Variants in JCAD observed in about 807,000 individuals in gnomAD.
The protein encoded by JCAD is junctional cadherin 5 associated.
In JCAD, 40 loss-of-function variants were observed where a neutral mutation model predicts 98.0. That is an observed-to-expected ratio of 0.41 (90% confidence interval 0.32 to 0.53). The LOEUF is 0.53. Ranked by LOEUF, JCAD falls within the 20% of genes least tolerant of loss-of-function variation. The probability of loss-of-function intolerance (pLI) is 0.31; values close to 1 mark genes in which losing one functional copy is unlikely to be tolerated. For missense variants in JCAD, 1,705 were observed against 1,738.1 expected (o/e 0.98, Z 0.34); for synonymous variants, 691 against 682.3 (o/e 1.01, Z -0.20).
At chr10:30,091,918 C>G (rs1209502180) in intron 1 of JCAD, among the ~76,000 whole-genome samples, 1 of 143,922 alleles carries the variant, frequency 6.9e-6, no homozygotes, top group African/African-American at 2.6e-5. Context: ...ATCCCAGCTA[C>G]CTGGGAGGCT....
chr10:30,096,086 C>G (rs1203126325), intron 1 of JCAD, among the ~76,000 whole-genome samples: 2 of 152,230 alleles, frequency 1.3e-5, no homozygotes, highest in African/African-American at 4.8e-5. Context: ...AGGATCCACA[C>G]AGCCATCAGA....
rs183791720 is a variant in JCAD, at chr10:30,026,228, C to G, written c.3920G>C (p.Ser1307Thr). Reference protein sequence around the residue: ...GLPGGLVSPGSGDRAQRLGHS... With the variant: ...GLPGGLVSPGTGDRAQRLGHS... ...GCCCAATCTCTGGGCACGGTCCCCA[C>G]TGCCAGGAGACACAAGGCCTCCCGG... Residue 1307 changes from serine (S) to threonine (T), a missense_variant, in exon 3 of 4, where the codon AGT (serine) becomes ACT (threonine). Around this residue, in one of 3 missense-constraint regions of JCAD, gnomAD observed 1,278 missense variants for 1,243.1 expected, o/e 1.03. Transcript: ENST00000375377. 6.2e-7 allele frequency: 1 copy of G among 1,614,074 alleles called. No individual in the cohort carries two copies. The highest frequency in any genetic ancestry group is 1.3e-5 in the African/African-American group (1 of 75,074).
At chr10:30,087,592 A>C (rs1838186474) in intron 1 of JCAD, among the ~76,000 whole-genome samples, 1 of 152,256 alleles carries the variant, frequency 6.6e-6, no homozygotes, top group Non-Finnish European at 1.5e-5. Context: ...GTTGTTTAGC[A>C]GTAACACTGT....
At chr10:30,043,807 GC>G (rs1837285388) in intron 2 of JCAD, among the ~76,000 whole-genome samples, 1 of 152,222 alleles carries the variant, frequency 6.6e-6, no homozygotes, top group Admixed American at 6.5e-5. Context: ...AAGGCATCTG[GC>G]AGCCCGGGGG....
Position 30,059,434 on chromosome 10 carries a change from G to GGCCCTAATGGACGGTGGGAGCC in JCAD, c.-60+26_-60+47dup, listed in dbSNP as rs1326993734. On this transcript the variant is annotated intron_variant, in intron 1 of 3. Transcript: ENST00000375377. The surrounding 1 kb of genome is among the most constrained non-coding windows in gnomAD (Gnocchi z 5.0). Reference sequence around the variant, plus strand: ...GAGGCCCGCGAAGCGCCGTGGGAGCGGCCCTAATGGACGGTGGGAGCCAGG... The same window carrying GGCCCTAATGGACGGTGGGAGCC: ...GAGGCCCGCGAAGCGCCGTGGGAGCGGCCCTAATGGACGGTGGGAGCCGCCCTAATGGACGGTGGGAGCCAGG... 17 of 151,674 alleles carry GGCCCTAATGGACGGTGGGAGCC rather than the reference G, an allele frequency of 1.1e-4. No individual in the cohort carries two copies. The highest frequency in any genetic ancestry group is 2.1e-4 in the Non-Finnish European group (14 of 67,856). 9.4% of individuals were successfully genotyped at this position (151,674 alleles called of 1,614,324 possible).
At chr10:30,053,957 G>T (rs1031954383) in intron 1 of JCAD, among the ~76,000 whole-genome samples, 29 of 151,996 alleles carry the variant, frequency 1.9e-4, no homozygotes, top group African/African-American at 7.0e-4. Flanking sequence ...AGCTACTCAG[G>T]AGGCTGAGGT....
intron 2 of JCAD, among the ~76,000 whole-genome samples, chr10:30,031,127 T>A (rs1836981175): frequency 1.3e-5 from 2 of 151,882 alleles, no homozygotes; most frequent in Admixed American, 1.3e-4. Flanking sequence ...TTTATATTTT[T>A]ATTTATATAT....
intron 1 of JCAD, among the ~76,000 whole-genome samples, chr10:30,079,899 A>G (rs190756830): frequency 1.2e-3 from 184 of 152,316 alleles, no homozygotes; most frequent in African/African-American, 4.1e-3. Flanking sequence ...TGCTTTTACA[A>G]TTGTTCCTAA....
intron 1 of JCAD, among the ~76,000 whole-genome samples, chr10:30,055,900 C>G (rs1837562488): frequency 6.6e-6 from 1 of 152,116 alleles, no homozygotes; most frequent in Non-Finnish European, 1.5e-5. Context: ...CTTCTGACTC[C>G]TCTTTTTTTT....
At chr10:30,048,866 C>T (rs1046220125) in intron 1 of JCAD, among the ~76,000 whole-genome samples, 1 of 152,156 alleles carries the variant, frequency 6.6e-6, no homozygotes, top group Admixed American at 6.5e-5. Context: ...CCACACCCGG[C>T]CTCCTTATGA....
intron 2 of JCAD, among the ~76,000 whole-genome samples, chr10:30,064,727 A>G (rs2132664328): frequency 6.6e-6 from 1 of 151,308 alleles, no homozygotes; most frequent in Admixed American, 6.6e-5. Context: ...GCTAGAGTGC[A>G]GTGGTGTAAT....
rs572513796 is a variant in JCAD, at chr10:30,068,023, A to C, written n.250+1677T>G. ...TACAGTATTATAATCTTATGAGACCACCATCATAGATGTGGTCCATGGTTG... is the reference window on the plus strand; with the variant it reads ...TACAGTATTATAATCTTATGAGACCCCCATCATAGATGTGGTCCATGGTTG... On this transcript the variant is annotated intron_variant and non_coding_transcript_variant, in intron 2 of 2. Coordinates refer to the JCAD transcript ENST00000465712. Among the ~76,000 whole-genome samples, 20 of 152,342 alleles carry C rather than the reference A, an allele frequency of 1.3e-4. 3 individuals carry two copies. In the South Asian group the frequency reaches 4.1e-3, roughly 32 times the overall value.
chr10:30,035,604 G>C (rs1263305148), intron 2 of JCAD, among the ~76,000 whole-genome samples: 3 of 152,220 alleles, frequency 2.0e-5, no homozygotes, highest in Non-Finnish European at 4.4e-5. Context: ...AATGTGTACT[G>C]CTGCATAGGG....
chr10:30,113,407 C>T lies in JCAD; in HGVS notation n.128+1960G>A, dbSNP rs190883053. Among the ~76,000 whole-genome samples the T allele has an allele frequency of 5.1e-4, 77 of 151,910 alleles. No homozygotes were observed. The East Asian group carries it at 9.5e-3, about 19-fold the overall frequency. ...CTCTACTAAAAATACAAAAATCAAC[C>T]GGGCGTGGTGGCAGGCGCCTGTAAT... On this transcript the variant is annotated intron_variant and non_coding_transcript_variant, in intron 1 of 2. Coordinates refer to the JCAD transcript ENST00000465712.
At chr10:30,095,952 C>T (rs1396505375) in intron 1 of JCAD, among the ~76,000 whole-genome samples, 1 of 152,192 alleles carries the variant, frequency 6.6e-6, no homozygotes, top group Non-Finnish European at 1.5e-5. Flanking sequence ...ATTTGTTTTT[C>T]AGTAAGGCGG....
chr10:30,081,778 G>T (rs891385604), intron 1 of JCAD, among the ~76,000 whole-genome samples: 1 of 152,140 alleles, frequency 6.6e-6, no homozygotes, highest in Non-Finnish European at 1.5e-5. Context: ...CAGCAGTACC[G>T]ACATGCCGCT....
intron 1 of JCAD, among the ~76,000 whole-genome samples, chr10:30,093,621 C>A (rs1415456763): frequency 6.6e-6 from 1 of 152,298 alleles, no homozygotes; most frequent in East Asian, 1.9e-4. Flanking sequence ...GAGCTCTAGC[C>A]CCCCGCATGT....
chr10:30,043,199 A>C (rs1352151972), intron 2 of JCAD, among the ~76,000 whole-genome samples: 1 of 152,166 alleles, frequency 6.6e-6, no homozygotes, highest in East Asian at 1.9e-4. Flanking sequence ...TGAAAGCTCA[A>C]AGCAACAGCC....
intron 1 of JCAD, among the ~76,000 whole-genome samples, chr10:30,106,603 C>T (rs754509986): frequency 8.5e-5 from 13 of 152,108 alleles, no homozygotes; most frequent in Admixed American, 7.9e-4. Context: ...TGGGTTCAAG[C>T]GATTCTGCTG....
Sources: gnomAD v4.1 joint callset for allele counts (sites outside exome capture counted in the v4.1 genomes callset) on GRCh38, gnomAD v4.1.1 for gene constraint, gnomAD v4.1.1 regional missense constraint, Gnocchi (gnomAD v3.1) non-coding constraint, MANE v1.5 for transcripts, NCBI Gene and HGNC (gene_info 2026-07-23, HGNC 2026-07-21) for gene names.